Variants in ACO2 observed in about 807,000 individuals in gnomAD.
ACO2 encodes the protein aconitase 2.
Under a neutral mutation model 84.5 loss-of-function variants are expected in ACO2, and 31 were observed. That is an observed-to-expected ratio of 0.37 (90% CI 0.28 to 0.50). The LOEUF (loss-of-function observed/expected upper bound fraction) is 0.50, where lower values mean the gene tolerates loss of function less well. ACO2 is among the 20% of genes least tolerant of loss of function. ACO2 has a pLI of 0.97. For synonymous variants in ACO2, 414 were observed against 412.7 expected, an observed-to-expected ratio of 1.00 and a Z score of -0.04; for missense variants, 685 against 1,029.3, an observed-to-expected ratio of 0.67 and a Z score of 4.58.
At chr22:41,477,125 C>G (rs1186849582) in intron 1 of ACO2, among the ~76,000 whole-genome samples, 1 of 147,016 alleles carries the variant, frequency 6.8e-6, no homozygotes, top group African/African-American at 2.6e-5. Flanking sequence ...AGAATGGTTT[C>G]CATATTATTT....
At chr22:41,472,692 C>T (rs906720845) in intron 1 of ACO2, among the ~76,000 whole-genome samples, 1 of 152,132 alleles carries the variant, frequency 6.6e-6, no homozygotes, top group Non-Finnish European at 1.5e-5. Context: ...CTCAAGCAAT[C>T]CTGGCTTGGC....
At chr22:41,526,097 G>GT in intron 14 of ACO2, 165 bp from the exon 15 acceptor site, 1 of 611,968 alleles carries the variant, frequency 1.6e-6, no homozygotes, top group African/African-American at 1.8e-5. Context: ...TGGCCTTAGG[G>GT]TGGAAGCACC....
intron 1 of ACO2, among the ~76,000 whole-genome samples, chr22:41,496,633 A>G (rs2066315776): frequency 6.6e-6 from 1 of 152,132 alleles, no homozygotes; most frequent in Non-Finnish European, 1.5e-5. Context: ...TGCAGCAGAA[A>G]TACACTACCT....
At chr22:41,518,635 T>G (rs970904207) in intron 8 of ACO2, 63 bp downstream of exon 8, 2 of 1,315,072 alleles carry the variant, frequency 1.5e-6, no homozygotes, top group Non-Finnish European at 1.1e-6. Flanking sequence ...GGGCGGGTCC[T>G]GCCTAAATAC....
chr22:41,479,554 C>T (rs1569001139), intron 1 of ACO2, among the ~76,000 whole-genome samples: 1 of 152,208 alleles, frequency 6.6e-6, no homozygotes, highest in Non-Finnish European at 1.5e-5. Flanking sequence ...AAACTGATCT[C>T]TGTGGAGTGG....
Position 41,528,798 on chromosome 22 carries a change from GCCC to G in ACO2, c.*188_*190del. On this transcript the variant is annotated 3_prime_UTR_variant, in exon 18 of 18. Coordinates refer to ENST00000216254, the MANE Select transcript of ACO2 (RefSeq NM_001098.3). ...GGGGGGTTCTTAAAATAACTTTTTA[GCCC>G]CCGTCTTCCTATTTTGAGTTTGGTT... is the stretch of plus-strand genomic sequence containing the variant. The G allele has an allele frequency of 1.3e-6, 1 of 778,548 alleles. No individual in the cohort carries two copies. Among genetic ancestry groups the G allele is most frequent in the Non-Finnish European group, 2.0e-6 (1 of 508,956 alleles). The allele number at this position is 778,548 out of a possible 1,614,324, so 48.2% of individuals were successfully genotyped here.
chr22:41,511,368 C>T (rs1238553901), intron 3 of ACO2, among the ~76,000 whole-genome samples: 2 of 152,166 alleles, frequency 1.3e-5, no homozygotes, highest in Non-Finnish European at 2.9e-5. Flanking sequence ...GACAGGGTTT[C>T]GCCATGTTGG....
rs368459358 is a variant in ACO2 at position 41,506,481 on chromosome 22, C to T, written c.174-1310C>T. On this transcript the variant is annotated intron_variant, in intron 2 of 17. Coordinates refer to ENST00000216254, the MANE Select transcript of ACO2 (RefSeq NM_001098.3). ...TGTTAGCCAGGATGGTCTCCATCTC[C>T]TGACCTCATGATCCGCCTGTCTCGG... is the stretch of plus-strand genomic sequence containing the variant. Among the ~76,000 whole-genome samples, 29 of 152,250 alleles carry T rather than the reference C, an allele frequency of 1.9e-4. 2 individuals carry two copies. In the South Asian group the frequency reaches 5.2e-3, roughly 27 times the overall value.
rs78112533 is a variant in ACO2 at position 41,523,425 on chromosome 22, C to T, written c.1370+147C>T. ...ACTCTTGCCCATTAGAAGCCTCTGGCAGACATGCCTGGGAAGAGGGGCTGG... is the reference window on the plus strand; with the variant it reads ...ACTCTTGCCCATTAGAAGCCTCTGGTAGACATGCCTGGGAAGAGGGGCTGG... On this transcript the variant is annotated intron_variant, in intron 11 of 17. Transcript: ENST00000216254. 7.1e-4 allele frequency: 475 copies of T among 671,520 alleles called. No individual in the cohort carries two copies. In the African/African-American group the frequency reaches 7.4e-3, roughly 10 times the overall value. The allele number at this position is 671,520 out of a possible 1,614,324, so 41.6% of individuals were successfully genotyped here.
At chr22:41,486,750 G>A (rs1401233501) in intron 1 of ACO2, among the ~76,000 whole-genome samples, 4 of 152,102 alleles carry the variant, frequency 2.6e-5, no homozygotes, top group Admixed American at 6.6e-5. Context: ...GATTACAGGC[G>A]TGAGCCATTG....
At chr22:41,516,914 G>C (rs1354364518) in intron 6 of ACO2, among the ~76,000 whole-genome samples, 1 of 151,676 alleles carries the variant, frequency 6.6e-6, no homozygotes, top group Non-Finnish European at 1.5e-5. Context: ...TTTTTTAGTA[G>C]AGATGGGTTT....
chr22:41,504,711 CTTTTTTTTTTTT>C lies in ACO2; in HGVS notation c.174-3061_174-3050del, dbSNP rs926246283. Among the ~76,000 whole-genome samples the C allele has an allele frequency of 2.5e-3, 121 of 48,588 alleles. 1 individual carries two copies. The highest frequency in any genetic ancestry group is 8.7e-3 in the African/African-American group (112 of 12,918). The allele number at this position is 48,588 out of a possible 152,430, so 31.9% of individuals were successfully genotyped here. The stretch of plus-strand genomic sequence containing the variant: ...GCCAGCAGATCCAGCACCTTAGGGA[CTTTTTTTTTTTT>C]TTTTTTTTTTTTTTTTTTGAGGTAG... On this transcript the variant is annotated intron_variant, in intron 2 of 17. Coordinates refer to ENST00000216254, the MANE Select transcript of ACO2 (RefSeq NM_001098.3).
intron 2 of ACO2, among the ~76,000 whole-genome samples, chr22:41,503,151 T>A (rs1460327148): frequency 6.6e-6 from 1 of 152,114 alleles, no homozygotes; most frequent in African/African-American, 2.4e-5. Flanking sequence ...GCACTGGGAG[T>A]TTTTTAGTTT....
intron 1 of ACO2, among the ~76,000 whole-genome samples, chr22:41,479,384 C>G (rs774724522): frequency 1.3e-5 from 2 of 152,184 alleles, no homozygotes; most frequent in African/African-American, 2.4e-5. Context: ...CACAACAACC[C>G]TAAGAAGTAC....
At chr22:41,500,922 T>G (rs2066349723) in intron 2 of ACO2, among the ~76,000 whole-genome samples, 1 of 152,108 alleles carries the variant, frequency 6.6e-6, no homozygotes, top group Non-Finnish European at 1.5e-5. Flanking sequence ...CAGGCTGGCC[T>G]CAAACTCCTG....
intron 3 of ACO2, among the ~76,000 whole-genome samples, chr22:41,509,304 C>A (rs938975572): frequency 6.6e-6 from 1 of 152,062 alleles, no homozygotes; most frequent in Non-Finnish European, 1.5e-5. Context: ...CTCATGCGTT[C>A]AACAAATTGA....
At chr22:41,487,453 C>T (rs547351503) in intron 1 of ACO2, among the ~76,000 whole-genome samples, 1 of 152,312 alleles carries the variant, frequency 6.6e-6, no homozygotes, top group Middle Eastern at 3.4e-3. Flanking sequence ...AAAATTCAGG[C>T]ACCACAACAC....
intron 4 of ACO2, among the ~76,000 whole-genome samples, chr22:41,513,632 C>T (rs2066453836): frequency 6.6e-6 from 1 of 152,158 alleles, no homozygotes; most frequent in Non-Finnish European, 1.5e-5. Flanking sequence ...CTGCCAAGTG[C>T]TTTCTGCACT....
chr22:41,526,628 T>A, intron 15 of ACO2, 175 bp downstream of exon 15: 1 of 626,456 alleles, frequency 1.6e-6, no homozygotes, highest in Non-Finnish European at 2.6e-6. Context: ...TGAGAAGGCA[T>A]GAGGCCCAGG....
Sources: allele counts gnomAD v4.1 joint callset (sites outside exome capture counted in the v4.1 genomes callset), GRCh38; gene constraint gnomAD v4.1.1; transcripts MANE v1.5; gene names NCBI Gene and HGNC (gene_info 2026-07-23, HGNC 2026-07-21).